WWP2: variants seen among roughly 807,000 people sequenced by gnomAD.
WWP2 encodes the protein WW domain containing E3 ubiquitin protein ligase 2, also known as NEDD4-like E3 ubiquitin-protein ligase WWP2.
WWP2 carries 57 observed loss-of-function variants against 121.0 expected under a neutral mutation model. The ratio of observed to expected loss-of-function variants is 0.47; its 90% CI spans 0.38 to 0.59. The LOEUF is 0.59. Among genes scored for constraint, WWP2 ranks in the 20% least tolerant of loss-of-function variants. WWP2 has a pLI of 0.00. For missense variants in WWP2, 962 were observed against 1,158.9 expected (o/e 0.83, Z 2.47); for synonymous variants, 449 against 441.3 (o/e 1.02, Z -0.22).
At chr16:69,841,945 T>G (rs1297413848) in intron 5 of WWP2, 79 bp from the exon 6 acceptor site, 1 of 1,422,384 alleles carries the variant, frequency 7.0e-7, no homozygotes, top group East Asian at 2.5e-5. Context: ...GACGGAGTTC[T>G]GTTCCTGGCC....
chr16:69,798,820 T>A lies in WWP2; in HGVS notation c.209T>A (p.Ile70Asn), dbSNP rs780694295. The change falls in exon 3 of 24, where the codon ATC becomes AAC. Residue 70 changes from isoleucine to asparagine, a missense_variant. Physicochemically the swap from Ile to Asn is moderately radical, Grantham distance 149. Transcript: ENST00000359154. Reference sequence around the variant, plus strand: ...AGCTCTGAGCTTCTCTGGAATGAGATCATCATTTTGTAAGAGAAAGCCCCT... The same window carrying A: ...AGCTCTGAGCTTCTCTGGAATGAGAACATCATTTTGTAAGAGAAAGCCCCT... ...IGSSELLWNE[I>N]IILNVTAQSH... 3.7e-6 allele frequency: 6 copies of A among 1,613,724 alleles called. No homozygotes were observed. Among genetic ancestry groups the A allele is most frequent in the Non-Finnish European group, 5.1e-6 (6 of 1,179,882 alleles).
intron 4 of WWP2, among the ~76,000 whole-genome samples, chr16:69,811,455 C>CA (rs932456737): frequency 1.3e-5 from 2 of 151,838 alleles, no homozygotes; most frequent in Non-Finnish European, 2.9e-5. Context: ...TCCATCCCTA[C>CA]AAAAAATAAA....
intron 6 of WWP2, among the ~76,000 whole-genome samples, chr16:69,851,983 TAAAACAAAAC>T (rs58923591): frequency 3.3e-5 from 5 of 150,316 alleles, no homozygotes; most frequent in Admixed American, 2.0e-4. Context: ...AGATTCCAGC[TAAAACAAAAC>T]AAAACAAAAC....
intron 8 of WWP2, among the ~76,000 whole-genome samples, chr16:69,897,309 C>T (rs1347655913): frequency 6.6e-6 from 1 of 152,074 alleles, no homozygotes; most frequent in Non-Finnish European, 1.5e-5. Flanking sequence ...TGCCGTGTTG[C>T]TCAGGCTGGT....
chr16:69,925,130 G>T lies in WWP2; in HGVS notation c.1180-300G>T. 1.7e-6 allele frequency: 2 copies of T among 1,148,276 alleles called. No homozygotes were observed. The highest frequency in any genetic ancestry group is 9.0e-5 in the Admixed American group (2 of 22,342). 71.1% of individuals were successfully genotyped at this position (1,148,276 alleles called of 1,614,324 possible). A position where few individuals can be genotyped will look rare whatever the true frequency, so the allele number is the denominator to read the frequency against. On this transcript the variant is annotated intron_variant, in intron 10 of 23. Transcript: ENST00000359154. The surrounding 1 kb of genome is among the most constrained non-coding windows in gnomAD (Gnocchi z 4.0). Reference sequence around the variant, plus strand: ...TCCTACCATGCCAGGGCTGCTCCCTGCCTCCGCCACCCTGGCACACCTTCA... The same window carrying T: ...TCCTACCATGCCAGGGCTGCTCCCTTCCTCCGCCACCCTGGCACACCTTCA...
At chr16:69,879,911 T>C (rs2057795935) in intron 7 of WWP2, among the ~76,000 whole-genome samples, 1 of 152,176 alleles carries the variant, frequency 6.6e-6, no homozygotes, top group African/African-American at 2.4e-5. Flanking sequence ...TTAAAAATAA[T>C]TAGGCCTGTG....
chr16:69,781,521 A>T (rs1288970012), intron 1 of WWP2, among the ~76,000 whole-genome samples: 3 of 151,108 alleles, frequency 2.0e-5, no homozygotes, highest in Non-Finnish European at 3.0e-5. Context: ...TAATTTTTGT[A>T]TTTTTTTTGG....
chr16:69,846,911 A>G (rs1034632793), intron 6 of WWP2, among the ~76,000 whole-genome samples: 2 of 151,900 alleles, frequency 1.3e-5, no homozygotes, highest in Non-Finnish European at 2.9e-5. Flanking sequence ...AACGAAATAT[A>G]TATTTAGAGT....
chr16:69,762,843 C>T (rs2068414957), intron 1 of WWP2, among the ~76,000 whole-genome samples: 1 of 152,160 alleles, frequency 6.6e-6, no homozygotes, highest in African/African-American at 2.4e-5. Context: ...GAGTCTCTCC[C>T]TTCCTTCCTG....
intron 17 of WWP2, among the ~76,000 whole-genome samples, chr16:69,934,679 G>A (rs1344220796): frequency 1.3e-5 from 2 of 151,028 alleles, no homozygotes; most frequent in Non-Finnish European, 2.9e-5. Flanking sequence ...CAACACTAGT[G>A]TAGAACAAAA....
rs111926603 is a variant in WWP2, at chr16:69,931,546, C to T, written c.1559C>T (p.Ser520Phe). 6.2e-7 allele frequency: 1 copy of T among 1,613,530 alleles called. No individual in the cohort carries two copies. Among genetic ancestry groups the T allele is most frequent in the African/African-American group, 1.3e-5 (1 of 74,776 alleles). Residue 520 changes from serine (S) to phenylalanine (F), a missense_variant, in exon 15 of 24, where the codon TCC (serine) becomes TTC (phenylalanine). Physicochemically the swap from Ser to Phe is radical, Grantham distance 155. Around this residue, in one of 3 missense-constraint regions of WWP2, gnomAD observed 606 missense variants for 772.6 expected, o/e 0.78. Transcript: ENST00000359154. ...CCTAGCCACGTGAAGATCAGCGTTT[C>T]CAGGCAGACGCTTTTCGAAGATTCC... Reference protein sequence around the residue: ...ALPSHVKISVSRQTLFEDSFQ... With the variant: ...ALPSHVKISVFRQTLFEDSFQ...
Position 69,790,473 on chromosome 16 carries a change from C to G in WWP2, c.70+3393C>G, listed in dbSNP as rs371686272. Reference sequence around the variant, plus strand: ...GGAGGAAGAGGAAGGATTGGTTTTGCTATCTCTTGGGTGGCAAAGGCAGGA... The same window carrying G: ...GGAGGAAGAGGAAGGATTGGTTTTGGTATCTCTTGGGTGGCAAAGGCAGGA... On this transcript the variant is annotated intron_variant, in intron 2 of 23. Transcript: ENST00000359154. Among the ~76,000 whole-genome samples the G allele has an allele frequency of 8.5e-5, 13 of 152,262 alleles. 1 individual carries two copies. In the South Asian group the frequency reaches 2.7e-3, roughly 32 times the overall value.
intron 11 of WWP2, among the ~76,000 whole-genome samples, chr16:69,928,730 C>T (rs142657088): frequency 2.0e-5 from 3 of 152,020 alleles, no homozygotes; most frequent in African/African-American, 4.8e-5. Context: ...GACAACATAG[C>T]GAGACCCTGT....
At chr16:69,929,240 C>G (rs899471955) in intron 11 of WWP2, among the ~76,000 whole-genome samples, 4 of 152,060 alleles carry the variant, frequency 2.6e-5, no homozygotes, top group Non-Finnish European at 5.9e-5. Context: ...ATGTCACCCC[C>G]GCCCCCCACC....
At chr16:69,830,583 C>T (rs531663240) in intron 4 of WWP2, among the ~76,000 whole-genome samples, 1 of 152,282 alleles carries the variant, frequency 6.6e-6, no homozygotes, top group East Asian at 1.9e-4. Context: ...AGCCAGAGTT[C>T]TCATTACATT....
intron 4 of WWP2, among the ~76,000 whole-genome samples, chr16:69,807,651 A>G (rs1346523139): frequency 2.7e-5 from 4 of 149,370 alleles, no homozygotes; most frequent in Non-Finnish European, 5.9e-5. Context: ...AAAAGAAAAG[A>G]AAAAGGAAAA....
intron 10 of WWP2, among the ~76,000 whole-genome samples, chr16:69,922,417 C>T (rs951129617): frequency 2.6e-5 from 4 of 152,220 alleles, no homozygotes; most frequent in African/African-American, 9.6e-5. Flanking sequence ...CTCATGAGCT[C>T]TCTGGCTCAT....
chr16:69,838,788 A>C (rs2056922760), intron 4 of WWP2: 1 of 985,556 alleles, frequency 1.0e-6, no homozygotes, highest in African/African-American at 1.7e-5. Context: ...AACTGGCTGA[A>C]AATAGCAGCA....
Position 69,871,918 on chromosome 16 carries a change from G to C in WWP2, c.690G>C (p.Leu230Phe). The change falls in exon 7 of 24, where the codon TTG becomes TTC. Residue 230 changes from leucine to phenylalanine, a missense_variant. Leu to Phe is a conservative substitution (Grantham distance 22, BLOSUM62 0). Around this residue, in one of 3 missense-constraint regions of WWP2, gnomAD observed 211 missense variants for 196.5 expected, o/e 1.07. Transcript: ENST00000359154. ...TCAAGAACTCAGGCCACAGTGGCTT[G>C]GCCAATGGCACAGGTGAGTGATGGC... Reference protein sequence around the residue: ...QPVKNSGHSGLANGTVNDEPT... With the variant: ...QPVKNSGHSGFANGTVNDEPT... The C allele has an allele frequency of 6.2e-7, 1 of 1,613,620 alleles. No homozygotes were observed. The highest frequency in any genetic ancestry group is 1.1e-5 in the South Asian group (1 of 91,040).
Sources: gnomAD v4.1 joint callset for allele counts (sites outside exome capture counted in the v4.1 genomes callset) on GRCh38, gnomAD v4.1.1 for gene constraint, gnomAD v4.1.1 regional missense constraint, Gnocchi (gnomAD v3.1) non-coding constraint, MANE v1.5 for transcripts, NCBI Gene and HGNC (gene_info 2026-07-23, HGNC 2026-07-21) for gene names.